The following GLG1 variants were observed in gnomAD, a reference collection of about 807,000 sequenced individuals.
GLG1 encodes Golgi apparatus protein 1.
GLG1 carries 38 observed loss-of-function variants against 160.5 expected under a neutral mutation model. The ratio of observed to expected loss-of-function variants is 0.24; its 90% CI spans 0.18 to 0.31. GLG1 has a LOEUF of 0.31. GLG1 is among the 10% of genes least tolerant of loss of function. The probability of loss-of-function intolerance (pLI) is 1.00; values close to 1 mark genes in which losing one functional copy is unlikely to be tolerated. For synonymous variants in GLG1, 644 were observed against 543.4 expected, an observed-to-expected ratio of 1.19 and a Z score of -2.57; for missense variants, 1,373 against 1,505.2, an observed-to-expected ratio of 0.91 and a Z score of 1.45.
intron 9 of GLG1, among the ~76,000 whole-genome samples, chr16:74,483,910 C>T (rs887545995): frequency 4.6e-5 from 7 of 152,254 alleles, no homozygotes; most frequent in South Asian, 2.1e-4. Flanking sequence ...CTGCCCGCCT[C>T]GGCCTCCCAA....
intron 23 of GLG1, 173 bp from the exon 24 acceptor site, chr16:74,458,167 T>C (rs1032797525): frequency 1.7e-5 from 9 of 542,888 alleles, no homozygotes; most frequent in Middle Eastern, 3.7e-4. Context: ...CAGAATTTAA[T>C]TGAGTAACTA....
intron 1 of GLG1, 35 bp downstream of exon 1, chr16:74,606,622 G>A (rs1420916321): frequency 1.3e-6 from 2 of 1,524,846 alleles, no homozygotes. Flanking sequence ...GCCCGCACCA[G>A]GCCTGGCCCT....
intron 22 of GLG1, among the ~76,000 whole-genome samples, chr16:74,460,123 GTGAT>G (rs2014729634): frequency 6.6e-6 from 1 of 151,856 alleles, no homozygotes; most frequent in African/African-American, 2.4e-5. Flanking sequence ...TCATGTTCAA[GTGAT>G]TCTCCTGCCT....
intron 1 of GLG1, among the ~76,000 whole-genome samples, chr16:74,573,798 C>CTT (rs74457179): frequency 7.7e-5 from 11 of 142,444 alleles, no homozygotes; most frequent in Non-Finnish European, 7.7e-5. Flanking sequence ...TATCTAGCGT[C>CTT]TTTTTTTTTT....
At chr16:74,455,229 T>G (rs1447251932) in intron 25 of GLG1, among the ~76,000 whole-genome samples, 1 of 152,148 alleles carries the variant, frequency 6.6e-6, no homozygotes, top group Non-Finnish European at 1.5e-5. Flanking sequence ...CAGGTGCACA[T>G]GTCCCCATTC....
rs1258927369 is a variant in GLG1, at chr16:74,479,023, T to C, written c.1827+1218A>G. Among the ~76,000 whole-genome samples, 11 of 102,664 alleles carry C rather than the reference T, an allele frequency of 1.1e-4. 1 individual carries two copies. The allele number at this position is 102,664 out of a possible 152,430, so 67.4% of individuals were successfully genotyped here. ...GAGTTCAAGACCAACCTGGCCAACA[T>C]GGAGAAACCCCGTCTCTATTAAAAA... On this transcript the variant is annotated intron_variant, in intron 11 of 25. Coordinates refer to ENST00000422840, the MANE Select transcript of GLG1 (RefSeq NM_001145667.2).
At chr16:74,491,247 A>G (rs764273072) in intron 7 of GLG1, 32 bp from the exon 8 acceptor site, 2 of 1,454,062 alleles carry the variant, frequency 1.4e-6, no homozygotes, top group Admixed American at 3.3e-5. Context: ...AACATTACGA[A>G]GGGTGATGCT....
At chr16:74,555,215 G>C (rs1218073786) in intron 1 of GLG1, among the ~76,000 whole-genome samples, 1 of 151,882 alleles carries the variant, frequency 6.6e-6, no homozygotes, top group Non-Finnish European at 1.5e-5. Flanking sequence ...ACTGAAAACT[G>C]ATCAAGAAAG....
chr16:74,535,291 C>A (rs2017658375), intron 1 of GLG1, among the ~76,000 whole-genome samples: 1 of 152,244 alleles, frequency 6.6e-6, no homozygotes. Flanking sequence ...TTGGAAAGCA[C>A]AGAGCACTAC....
At chr16:74,476,900 T>A (rs923067172) in intron 12 of GLG1, among the ~76,000 whole-genome samples, 1 of 152,224 alleles carries the variant, frequency 6.6e-6, no homozygotes, top group Non-Finnish European at 1.5e-5. Context: ...GCATGCCCAC[T>A]ATTCATGCAG....
intron 3 of GLG1, among the ~76,000 whole-genome samples, chr16:74,506,581 CAAA>C (rs56175030): frequency 5.4e-4 from 21 of 39,054 alleles, no homozygotes; most frequent in South Asian, 1.7e-3. Flanking sequence ...GACTCCGTCT[CAAA>C]AAAAAAAAAA....
intron 2 of GLG1, among the ~76,000 whole-genome samples, chr16:74,517,530 G>T (rs1014535707): frequency 6.6e-6 from 1 of 152,036 alleles, no homozygotes; most frequent in East Asian, 1.9e-4. Flanking sequence ...CAATAAACTC[G>T]GTATCGATGG....
intron 1 of GLG1, among the ~76,000 whole-genome samples, chr16:74,595,514 G>A (rs77956583): frequency 0.096 from 14,571 of 152,202 alleles, 1,097 homozygotes; most frequent in East Asian, 0.36. Context: ...TCCCGCCTGG[G>A]CGACAGAGCA....
In GLG1 at chr16:74,503,670, G is replaced by A. The variant is rs1288855477; in HGVS notation, c.635C>T (p.Thr212Ile). The A allele has an allele frequency of 6.2e-7, 1 of 1,612,580 alleles. No homozygotes were observed. The highest frequency in any genetic ancestry group is 1.3e-5 in the African/African-American group (1 of 75,014). Residue 212 changes from threonine (T) to isoleucine (I), a missense_variant, in exon 4 of 26, where the codon ACT (threonine) becomes ATT (isoleucine). Physicochemically the swap from Thr to Ile is moderately conservative, Grantham distance 89 (BLOSUM62 -1). Coordinates refer to ENST00000422840, the MANE Select transcript of GLG1 (RefSeq NM_001145667.2). ...SCLVDHRGNI[T>I]EYQCHQYITK... ...AATGTACTGGTGACACTGATACTCA[G>A]TGATGTTGCCTCGGTGATCCACCAA...
chr16:74,544,435 G>A (rs2017986424), intron 1 of GLG1, among the ~76,000 whole-genome samples: 2 of 152,116 alleles, frequency 1.3e-5, no homozygotes, highest in Admixed American at 6.5e-5. Context: ...TGCTTCGTGT[G>A]AGAATCTCCT....
intron 1 of GLG1, among the ~76,000 whole-genome samples, chr16:74,598,077 G>C (rs1958349402): frequency 6.6e-6 from 1 of 152,070 alleles, no homozygotes. Context: ...TCTCTCATAA[G>C]ATTAAATGAG....
At chr16:74,509,762 C>T (rs866314946) in intron 2 of GLG1, among the ~76,000 whole-genome samples, 2 of 150,890 alleles carry the variant, frequency 1.3e-5, no homozygotes, top group South Asian at 2.1e-4. Flanking sequence ...GGCAGGAGAA[C>T]GGCGTGAACA....
At position 74,480,406 on chromosome 16, in the gene GLG1, A is replaced by T; in HGVS notation, c.1674-12T>A. 1 of 1,587,758 alleles carries T rather than the reference A, an allele frequency of 6.3e-7. No homozygotes were observed. The highest frequency in any genetic ancestry group is 8.6e-7 in the Non-Finnish European group (1 of 1,167,108). Reference sequence around the variant, plus strand: ...GGACAGGGTCCAGCCTATAAGGTTAAGAGTTAAAAGATAACCACTAATTAA... The same window carrying T: ...GGACAGGGTCCAGCCTATAAGGTTATGAGTTAAAAGATAACCACTAATTAA... On this transcript the variant is annotated splice_polypyrimidine_tract_variant and intron_variant, in intron 10 of 25. Transcript: ENST00000422840.
intron 25 of GLG1, among the ~76,000 whole-genome samples, chr16:74,454,492 C>A (rs2014447149): frequency 6.6e-6 from 1 of 150,998 alleles, no homozygotes; most frequent in East Asian, 2.0e-4. Context: ...ATGGTGAAAC[C>A]CTGTCTCTAC....
Sources: allele counts gnomAD v4.1 joint callset (sites outside exome capture counted in the v4.1 genomes callset), GRCh38; gene constraint gnomAD v4.1.1; transcripts MANE v1.5; gene names NCBI Gene and HGNC (gene_info 2026-07-23, HGNC 2026-07-21).